The following CTCF variants were observed in gnomAD, a reference collection of about 807,000 sequenced individuals.
CTCF encodes the protein CCCTC-binding factor, also known as transcriptional repressor CTCF.
A neutral mutation model predicts 72.3 loss-of-function variants in CTCF; 7 were observed. The observed-to-expected ratio is 0.10, with a 90% confidence interval of 0.06 to 0.18. CTCF has a LOEUF of 0.18. Among genes scored for constraint, CTCF ranks in the 10% least tolerant of loss-of-function variants. The pLI is 1.00. For synonymous variants in CTCF, 374 were observed against 315.8 expected, an observed-to-expected ratio of 1.18 and a Z score of -1.95; for missense variants, 516 against 949.1, an observed-to-expected ratio of 0.54 and a Z score of 6.00.
intron 5 of CTCF, among the ~76,000 whole-genome samples, chr16:67,617,152 G>A (rs77219566): frequency 7.2e-5 from 11 of 151,876 alleles, no homozygotes; most frequent in Admixed American, 7.2e-4. Context: ...ACCTGAGGTC[G>A]GGAGTTGGAG....
intron 2 of CTCF, among the ~76,000 whole-genome samples, chr16:67,598,249 A>G (rs1207067698): frequency 6.6e-6 from 1 of 152,224 alleles, no homozygotes; most frequent in Non-Finnish European, 1.5e-5. Flanking sequence ...AAGTCCTAGC[A>G]GTCAGGTGTG....
At chr16:67,626,392 G>T (rs1042948943) in intron 7 of CTCF, 163 bp from the exon 8 acceptor site, 3 of 401,070 alleles carry the variant, frequency 7.5e-6, no homozygotes, top group Admixed American at 4.5e-5. Context: ...AGTGGAGCTT[G>T]CAGTGAGCTG....
intron 10 of CTCF, among the ~76,000 whole-genome samples, chr16:67,630,180 A>G (rs886798786): frequency 2.6e-5 from 4 of 151,984 alleles, no homozygotes; most frequent in African/African-American, 7.2e-5. Flanking sequence ...TTCTTTTCCT[A>G]TGTTCTTAAC....
intron 2 of CTCF, among the ~76,000 whole-genome samples, chr16:67,603,095 G>A (rs2142796187): frequency 6.6e-6 from 1 of 152,000 alleles, no homozygotes; most frequent in South Asian, 2.1e-4. Flanking sequence ...AAGGTATGCT[G>A]TAAATGTAAG....
At chr16:67,572,301 T>G (rs948138516) in intron 2 of CTCF, among the ~76,000 whole-genome samples, 3 of 152,342 alleles carry the variant, frequency 2.0e-5, no homozygotes, top group Non-Finnish European at 4.4e-5. Context: ...CCCTGCAGGT[T>G]CTTTTAGGAG....
intron 6 of CTCF, chr16:67,621,173 T>C (rs1182790801): frequency 5.3e-6 from 2 of 377,366 alleles, no homozygotes; most frequent in African/African-American, 4.1e-5. Context: ...AACTTGTGGG[T>C]TCTCCATTCA....
At chr16:67,589,795 T>G (rs1597694445) in intron 2 of CTCF, among the ~76,000 whole-genome samples, 1 of 152,148 alleles carries the variant, frequency 6.6e-6, no homozygotes, top group South Asian at 2.1e-4. Flanking sequence ...TTCCATTAAC[T>G]TGAAAAAGAG....
rs770658992 is a variant in CTCF at position 67,612,111 on chromosome 16, C to T, written c.942C>T (p.Asn314=). 1 of 1,611,460 alleles carries T rather than the reference C, an allele frequency of 6.2e-7. No individual in the cohort carries two copies. The highest frequency in any genetic ancestry group is 8.5e-7 in the Non-Finnish European group (1 of 1,178,510). Residue 314 remains asparagine (N), a synonymous_variant, in exon 4 of 12, where the codon AAC becomes AAT. Transcript: ENST00000264010. ...RTVTLLRNHL[N]THTGTRPHKC... Reference sequence around the variant, plus strand: ...TCACCCTCCTGAGGAATCACCTTAACACACACACAGGTGCTGGATAAGAAT... The same window carrying T: ...TCACCCTCCTGAGGAATCACCTTAATACACACACAGGTGCTGGATAAGAAT...
intron 1 of CTCF, among the ~76,000 whole-genome samples, chr16:67,565,286 G>A (rs978120255): frequency 9.9e-5 from 15 of 152,134 alleles, no homozygotes; most frequent in African/African-American, 3.4e-4. Flanking sequence ...ACAGGCGTGA[G>A]CCATCTCGCC....
chr16:67,616,379 C>A, intron 4 of CTCF: 1 of 181,512 alleles, frequency 5.5e-6, no homozygotes, highest in Non-Finnish European at 1.2e-5. Context: ...AACTCTTAGC[C>A]TCCCAGAGTT....
intron 2 of CTCF, among the ~76,000 whole-genome samples, chr16:67,608,029 A>AT (rs1161390107): frequency 7.0e-6 from 1 of 142,678 alleles, no homozygotes; most frequent in Non-Finnish European, 1.5e-5. Context: ...AAAAAAAAAA[A>AT]AAAAGTAAAA....
chr16:67,615,208 C>G (rs1371864074), intron 4 of CTCF: 1 of 152,310 alleles, frequency 6.6e-6, no homozygotes, highest in Non-Finnish European at 1.5e-5. Flanking sequence ...CCTAATGGAA[C>G]TCCCTGCCCC....
intron 2 of CTCF, among the ~76,000 whole-genome samples, chr16:67,581,369 C>T (rs2051579790): frequency 6.6e-6 from 1 of 151,244 alleles, no homozygotes; most frequent in Non-Finnish European, 1.5e-5. Context: ...GTCTCCCGTG[C>T]TGGAGTGCAG....
intron 10 of CTCF, among the ~76,000 whole-genome samples, chr16:67,635,995 G>C (rs2052423218): frequency 6.6e-6 from 1 of 152,106 alleles, no homozygotes; most frequent in African/African-American, 2.4e-5. Context: ...ACTTTGGGAG[G>C]CCGAAGCAGG....
chr16:67,611,678 A>G (rs1370287750), intron 3 of CTCF, 65 bp downstream of exon 3: 19 of 1,414,324 alleles, frequency 1.3e-5, no homozygotes, highest in Non-Finnish European at 1.6e-5. Context: ...AACACAGTGC[A>G]TATGCAAGTT....
chr16:67,591,221 G>A (rs2051739663), intron 2 of CTCF, among the ~76,000 whole-genome samples: 1 of 152,018 alleles, frequency 6.6e-6, no homozygotes, highest in African/African-American at 2.4e-5. Flanking sequence ...GAACACAGGA[G>A]GCAGAGATTG....
intron 2 of CTCF, among the ~76,000 whole-genome samples, chr16:67,590,760 C>T (rs1445519573): frequency 6.6e-6 from 1 of 151,228 alleles, no homozygotes; most frequent in Non-Finnish European, 1.5e-5. Context: ...AGCTCAAGCC[C>T]AGCGTGGCCA....
chr16:67,578,244 C>T (rs2051528658), intron 2 of CTCF, among the ~76,000 whole-genome samples: 1 of 151,820 alleles, frequency 6.6e-6, no homozygotes, highest in South Asian at 2.1e-4. Flanking sequence ...ATTTTTCTTC[C>T]TCAGAGGCAA....
At chr16:67,629,088 C>T (rs2052328769) in intron 9 of CTCF, among the ~76,000 whole-genome samples, 1 of 151,870 alleles carries the variant, frequency 6.6e-6, no homozygotes, top group African/African-American at 2.4e-5. Context: ...TGGATTGAAA[C>T]CTGCACCCCA....
Sources: gnomAD v4.1 joint callset for allele counts (sites outside exome capture counted in the v4.1 genomes callset) on GRCh38, gnomAD v4.1.1 for gene constraint, MANE v1.5 for transcripts, NCBI Gene and HGNC (gene_info 2026-07-23, HGNC 2026-07-21) for gene names.